PRPSAP2: variants seen among roughly 807,000 people sequenced by gnomAD.
PRPSAP2 encodes the protein phosphoribosyl pyrophosphate synthase-associated protein 2.
PRPSAP2 carries 24 observed loss-of-function variants against 40.6 expected under a neutral mutation model. The observed-to-expected ratio is 0.59, with a 90% CI of 0.43 to 0.83. The LOEUF (loss-of-function observed/expected upper bound fraction) is 0.83. Ranked by LOEUF, PRPSAP2 falls within the 40% of genes least tolerant of loss-of-function variation. The pLI is 0.00. For missense variants in PRPSAP2, 292 were observed against 465.6 expected (o/e 0.63, Z 3.43); for synonymous variants, 149 against 164.7 (o/e 0.90, Z 0.73).
intron 8 of PRPSAP2, among the ~76,000 whole-genome samples, chr17:18,898,857 T>TCTG (rs1045454708): frequency 6.6e-6 from 1 of 150,958 alleles, no homozygotes; most frequent in African/African-American, 2.4e-5. Flanking sequence ...CTCCTCTTTT[T>TCTG]CTGGGACTCT....
At chr17:18,920,795 A>G (rs1402669471) in intron 9 of PRPSAP2, among the ~76,000 whole-genome samples, 3 of 152,212 alleles carry the variant, frequency 2.0e-5, no homozygotes, top group African/African-American at 7.2e-5. Context: ...AAGTTAGAAG[A>G]AAATAATAAT....
At chr17:18,897,217 C>T (rs2039961471) in intron 8 of PRPSAP2, among the ~76,000 whole-genome samples, 1 of 152,070 alleles carries the variant, frequency 6.6e-6, no homozygotes, top group African/African-American at 2.4e-5. Context: ...CTCAGCCTCC[C>T]AAAGTGTTGG....
chr17:18,869,800 T>C (rs2037710747), intron 4 of PRPSAP2, among the ~76,000 whole-genome samples: 1 of 144,228 alleles, frequency 6.9e-6, no homozygotes, highest in African/African-American at 2.6e-5. Context: ...TTTTTTTTTT[T>C]CTCTTATCCT....
chr17:18,860,707 A>G (rs889486811), intron 1 of PRPSAP2: 1 of 152,324 alleles, frequency 6.6e-6, no homozygotes, highest in East Asian at 1.9e-4. Context: ...TACACAGTAG[A>G]TGCTTTAGAG....
rs977409688 is a variant in PRPSAP2 at position 18,865,632 on chromosome 17, C to A, written c.-33+68C>A. 2.9e-5 allele frequency: 8 copies of A among 273,134 alleles called. No individual in the cohort carries two copies. The Admixed American group carries it at 3.2e-4, about 11-fold the overall frequency. 16.9% of individuals were successfully genotyped at this position (273,134 alleles called of 1,614,324 possible). A position where few individuals can be genotyped will look rare whatever the true frequency, so the allele number is the denominator to read the frequency against. ...ATAATGTATTTCCATAAATTTAGGA[C>A]CCTGAAATCCAACTGAACTTTCTGT... On this transcript the variant is annotated intron_variant, in intron 2 of 11. Coordinates refer to ENST00000268835, the MANE Select transcript of PRPSAP2 (RefSeq NM_002767.4).
Position 18,911,118 on chromosome 17 carries a change from T to C in PRPSAP2, c.600T>C (p.Ala200=), listed in dbSNP as rs779465397. Reference sequence around the variant, plus strand: ...TTTCCCTCAGGGCACAGTCTTTTGCTGAGCGCCTGCGCCTGGGAATTGCAG... The same window carrying C: ...TTTCCCTCAGGGCACAGTCTTTTGCCGAGCGCCTGCGCCTGGGAATTGCAG... ...PASAKRAQSF[A]ERLRLGIAVI... is the part of the protein sequence containing the mutation. Residue 200 remains alanine, a synonymous_variant, in exon 9 of 12, where the codon GCT becomes GCC. Transcript: ENST00000268835. The surrounding 1 kb of genome is among the most constrained non-coding windows in gnomAD (Gnocchi z 4.5). 3.7e-6 allele frequency: 6 copies of C among 1,611,812 alleles called. No individual in the cohort carries two copies. The highest frequency in any genetic ancestry group is 5.1e-6 in the Non-Finnish European group (6 of 1,178,644).
intron 10 of PRPSAP2, chr17:18,928,317 G>T: frequency 5.6e-6 from 1 of 177,450 alleles, no homozygotes; most frequent in Non-Finnish European, 1.2e-5. Flanking sequence ...GTAATAACAT[G>T]TAAAAAAACA....
At chr17:18,892,725 G>GTT (rs2039634590) in intron 8 of PRPSAP2, among the ~76,000 whole-genome samples, 1 of 83,906 alleles carries the variant, frequency 1.2e-5, no homozygotes. Flanking sequence ...GTGTGTGTGT[G>GTT]TGTATTTATT....
intron 10 of PRPSAP2, 57 bp downstream of exon 10, chr17:18,924,041 T>C (rs1040983418): frequency 1.5e-5 from 22 of 1,484,682 alleles, no homozygotes; most frequent in Non-Finnish European, 2.1e-5. Flanking sequence ...TTCTGTTGAT[T>C]GATTGATTGA....
chr17:18,865,268 C>A (rs1407764218), intron 1 of PRPSAP2, among the ~76,000 whole-genome samples: 1 of 152,060 alleles, frequency 6.6e-6, no homozygotes, highest in Non-Finnish European at 1.5e-5. Flanking sequence ...TCTAGTCAGC[C>A]CGTGTTCCAC....
At chr17:18,871,288 G>A (rs532144090) in intron 4 of PRPSAP2, among the ~76,000 whole-genome samples, 196 of 152,136 alleles carry the variant, frequency 1.3e-3, no homozygotes, top group Admixed American at 2.6e-3. Context: ...CCAAAGTTCT[G>A]GTATTACATG....
upstream of PRPSAP2, chr17:18,857,641 C>CG (rs2036678577): frequency 6.6e-6 from 1 of 151,028 alleles, no homozygotes; most frequent in South Asian, 2.1e-4. Flanking sequence ...AGGCTGGTCT[C>CG]GAACTCCTGA....
intron 8 of PRPSAP2, among the ~76,000 whole-genome samples, chr17:18,891,033 AG>A (rs1470810141): frequency 6.6e-6 from 1 of 152,168 alleles, no homozygotes; most frequent in Non-Finnish European, 1.5e-5. Context: ...TCCACTGGAG[AG>A]GGAAAGAACA....
At chr17:18,905,691 C>T (rs2040544749) in intron 8 of PRPSAP2, among the ~76,000 whole-genome samples, 1 of 151,720 alleles carries the variant, frequency 6.6e-6, no homozygotes, top group Non-Finnish European at 1.5e-5. Context: ...GTGATTCTCC[C>T]ACCTCAGCCT....
Position 18,911,397 on chromosome 17 carries a change from G to T in PRPSAP2, c.733+146G>T. 1 of 1,000,004 alleles carries T rather than the reference G, an allele frequency of 1.0e-6. No individual in the cohort carries two copies. Among genetic ancestry groups the T allele is most frequent in the Non-Finnish European group, 1.4e-6 (1 of 706,532 alleles). 61.9% of individuals were successfully genotyped at this position (1,000,004 alleles called of 1,614,324 possible). A position where few individuals can be genotyped will look rare whatever the true frequency, so the allele number is the denominator to read the frequency against. On this transcript the variant is annotated intron_variant, in intron 9 of 11. Coordinates refer to ENST00000268835, the MANE Select transcript of PRPSAP2 (RefSeq NM_002767.4). The surrounding 1 kb of genome is among the most constrained non-coding windows in gnomAD (Gnocchi z 4.5). ...CTTTCTTGGCCAGATAGTAGCGAAT[G>T]CATTTCTGATTACCTTGTAAATTGT...
intron 5 of PRPSAP2, among the ~76,000 whole-genome samples, chr17:18,877,272 G>T (rs563014722): frequency 6.6e-6 from 1 of 152,280 alleles, no homozygotes; most frequent in South Asian, 2.1e-4. Context: ...GGGGAGAGTG[G>T]TTATGAGTCG....
At chr17:18,882,145 C>T (rs1028503172) in intron 6 of PRPSAP2, among the ~76,000 whole-genome samples, 2 of 151,950 alleles carry the variant, frequency 1.3e-5, no homozygotes, top group African/African-American at 4.8e-5. Flanking sequence ...GGCTGGAGAG[C>T]AATTTTTTAA....
chr17:18,908,601 C>T, intron 8 of PRPSAP2: 2 of 725,580 alleles, frequency 2.8e-6, no homozygotes, highest in Admixed American at 4.0e-5. Context: ...AGCTGAAGCC[C>T]AACATGGGTA....
rs576621892 is a variant in PRPSAP2 at position 18,929,285 on chromosome 17, G to A, written c.951+328G>A. 2.2e-4 allele frequency among the ~76,000 whole-genome samples: 33 copies of A among 151,954 alleles called. No individual in the cohort carries two copies. In the East Asian group the frequency reaches 5.8e-3, roughly 27 times the overall value. ...GGCAAGAGAATCACTGGAACCCAGA[G>A]GGCAGTGGCTGCAGTGAGCCGAGAT... On this transcript the variant is annotated intron_variant, in intron 11 of 11. Transcript: ENST00000268835.
Sources: gnomAD v4.1 joint callset for allele counts (sites outside exome capture counted in the v4.1 genomes callset) on GRCh38, gnomAD v4.1.1 for gene constraint, Gnocchi (gnomAD v3.1) non-coding constraint, MANE v1.5 for transcripts, NCBI Gene and HGNC (gene_info 2026-07-23, HGNC 2026-07-21) for gene names.